The following BIRC6 variants were observed in gnomAD, a reference collection of about 807,000 sequenced individuals.
BIRC6 encodes dual E2 ubiquitin-conjugating enzyme/E3 ubiquitin-protein ligase BIRC6.
A neutral mutation model predicts 503.3 loss-of-function variants in BIRC6; 98 were observed. That is an observed-to-expected ratio of 0.19 (90% CI 0.17 to 0.23). The LOEUF (loss-of-function observed/expected upper bound fraction) is 0.23, where lower values mean the gene tolerates loss of function less well. Ranked by LOEUF, BIRC6 falls within the 10% of genes least tolerant of loss-of-function variation. BIRC6 has a pLI of 1.00. For missense variants in BIRC6, 5,360 were observed against 5,806.0 expected (o/e 0.92, Z 2.50); for synonymous variants, 2,240 against 2,078.7 (o/e 1.08, Z -2.11).
At chr2:32,395,403 C>A in intron 5 of BIRC6, 108 bp from the exon 6 acceptor site, 1 of 804,392 alleles carries the variant, frequency 1.2e-6, no homozygotes, top group Non-Finnish European at 1.9e-6. Context: ...TTCTTATTTT[C>A]AGTATAGAAT....
In BIRC6 at chr2:32,501,701, T is replaced by A. The variant is rs765985654; in HGVS notation, c.9032-12T>A. 15 of 1,603,664 alleles carry A rather than the reference T, an allele frequency of 9.4e-6. No individual in the cohort carries two copies. Among genetic ancestry groups the A allele is most frequent in the Middle Eastern group, 3.3e-4 (2 of 5,988 alleles). Reference sequence around the variant, plus strand: ...TATATACTTTTAATGTGGTATCTTTTATTTTTCTTAGGAGCAAGTGGATTA... The same window carrying A: ...TATATACTTTTAATGTGGTATCTTTAATTTTTCTTAGGAGCAAGTGGATTA... On this transcript the variant is annotated splice_polypyrimidine_tract_variant and intron_variant, in intron 46 of 73. Coordinates refer to ENST00000421745, the MANE Select transcript of BIRC6 (RefSeq NM_016252.4).
chr2:32,607,780 C>T, intron 72 of BIRC6, 137 bp downstream of exon 72: 4 of 561,122 alleles, frequency 7.1e-6, no homozygotes, highest in Non-Finnish European at 1.1e-5. Context: ...GAGTCTGAGA[C>T]CAGCCTGGCC....
At chr2:32,430,829 A>G in intron 11 of BIRC6, 36 bp from the exon 12 acceptor site, 1 of 540,858 alleles carries the variant, frequency 1.8e-6, no homozygotes, top group Non-Finnish European at 3.0e-6. Context: ...TTTTTTTTCC[A>G]CACCTATTTC....
intron 3 of BIRC6, among the ~76,000 whole-genome samples, chr2:32,383,383 TA>T (rs1388262740): frequency 6.6e-6 from 1 of 152,228 alleles, no homozygotes; most frequent in Non-Finnish European, 1.5e-5. Flanking sequence ...GGATGTATAA[TA>T]GTCAAGAAGA....
intron 44 of BIRC6, among the ~76,000 whole-genome samples, chr2:32,492,550 T>C (rs1417737535): frequency 6.6e-6 from 1 of 152,032 alleles, no homozygotes; most frequent in Non-Finnish European, 1.5e-5. Context: ...CAATTCTGAC[T>C]TAATTGTTTT....
At chr2:32,486,937 C>A (rs992756622) in intron 40 of BIRC6, among the ~76,000 whole-genome samples, 1 of 151,828 alleles carries the variant, frequency 6.6e-6, no homozygotes, top group Admixed American at 6.6e-5. Flanking sequence ...CCAAAGTAAC[C>A]CTTTTCTTTG....
At chr2:32,528,503 C>G (rs1006694682) in intron 59 of BIRC6, 1 of 152,342 alleles carries the variant, frequency 6.6e-6, no homozygotes, top group Non-Finnish European at 1.5e-5. Flanking sequence ...GGATTGCAGG[C>G]ATGAGCCACT....
In BIRC6 at chr2:32,518,121, C is replaced by T. The variant is rs1031398503; in HGVS notation, c.11350-133C>T. ...AACTTAACTACTAGACCCCCAGAGA[C>T]ATTTGTTCTTTAGCTACTGATTTGA... On this transcript the variant is annotated intron_variant, in intron 55 of 73. Coordinates refer to ENST00000421745, the MANE Select transcript of BIRC6 (RefSeq NM_016252.4). The T allele has an allele frequency of 1.9e-5, 15 of 797,756 alleles. No individual in the cohort carries two copies. The East Asian group carries it at 4.4e-4, about 24-fold the overall frequency. The allele number at this position is 797,756 out of a possible 1,614,324, so 49.4% of individuals were successfully genotyped here. A position where few individuals can be genotyped will look rare whatever the true frequency, so the allele number is the denominator to read the frequency against.
chr2:32,491,941 T>C (rs1018156090), intron 44 of BIRC6, among the ~76,000 whole-genome samples: 1 of 152,146 alleles, frequency 6.6e-6, no homozygotes, highest in African/African-American at 2.4e-5. Context: ...AATCATTTTA[T>C]GATGTTAATG....
At chr2:32,400,336 CTTTT>C (rs746431747) in intron 6 of BIRC6, among the ~76,000 whole-genome samples, 2 of 118,314 alleles carry the variant, frequency 1.7e-5, no homozygotes, top group Non-Finnish European at 3.5e-5. Context: ...GCTTTCAGAT[CTTTT>C]TTTTTTTTTT....
chr2:32,543,079 C>T (rs913164865), intron 61 of BIRC6, among the ~76,000 whole-genome samples, 162 bp from the exon 62 acceptor site: 1 of 152,176 alleles, frequency 6.6e-6, no homozygotes. Flanking sequence ...GGATAACAGG[C>T]GTGAGCCACT....
At chr2:32,400,575 G>A (rs2040496909) in intron 6 of BIRC6, among the ~76,000 whole-genome samples, 1 of 152,022 alleles carries the variant, frequency 6.6e-6, no homozygotes, top group African/African-American at 2.4e-5. Flanking sequence ...CTGACCTCAT[G>A]ATCCACCCGC....
At chr2:32,481,131 G>C (rs1249908854) in intron 37 of BIRC6, among the ~76,000 whole-genome samples, 189 bp from the exon 38 acceptor site, 3 of 151,864 alleles carry the variant, frequency 2.0e-5, no homozygotes, top group Non-Finnish European at 4.4e-5. Flanking sequence ...CTTTTCTCTA[G>C]GAAAGCAAAT....
chr2:32,476,189 A>G, intron 33 of BIRC6, 24 bp from the exon 34 acceptor site: 1 of 1,511,502 alleles, frequency 6.6e-7, no homozygotes, highest in South Asian at 1.3e-5. Flanking sequence ...GTTAAAGATT[A>G]AGTTGTTTAT....
rs1329137953 is a variant in BIRC6 at position 32,618,461 on chromosome 2, T to C, written c.*557T>C. Reference sequence around the variant, plus strand: ...TGGTACATTTTTAAAATAATAAATCTGCCATAAAATGCATTATATCTGGAG... The same window carrying C: ...TGGTACATTTTTAAAATAATAAATCCGCCATAAAATGCATTATATCTGGAG... On this transcript the variant is annotated 3_prime_UTR_variant, in exon 74 of 74. Transcript: ENST00000421745. The C allele has an allele frequency of 6.6e-6, 1 of 152,386 alleles. No individual in the cohort carries two copies. The highest frequency in any genetic ancestry group is 1.5e-5 in the Non-Finnish European group (1 of 68,040). 9.4% of individuals were successfully genotyped at this position (152,386 alleles called of 1,614,324 possible). A position where few individuals can be genotyped will look rare whatever the true frequency, so the allele number is the denominator to read the frequency against.
intron 66 of BIRC6, among the ~76,000 whole-genome samples, chr2:32,576,878 A>G (rs1478781422): frequency 6.6e-6 from 1 of 152,218 alleles, no homozygotes; most frequent in Non-Finnish European, 1.5e-5. Context: ...ATGAAGAGCC[A>G]GTTGGTAGAG....
chr2:32,596,931 G>A (rs945902189), intron 68 of BIRC6, among the ~76,000 whole-genome samples: 7 of 152,150 alleles, frequency 4.6e-5, no homozygotes, highest in African/African-American at 1.7e-4. Context: ...AGAATCATAT[G>A]TCCAGACCCC....
At chr2:32,412,506 C>CAA (rs961169963) in intron 9 of BIRC6, among the ~76,000 whole-genome samples, 1 of 143,762 alleles carries the variant, frequency 7.0e-6, no homozygotes, top group African/African-American at 2.6e-5. Flanking sequence ...TCAAAAAAAA[C>CAA]AAAAAAAAAG....
chr2:32,545,695 C>T lies in BIRC6; in HGVS notation c.12645C>T (p.His4215=), dbSNP rs774465536. The T allele has an allele frequency of 6.8e-6, 11 of 1,613,884 alleles. No individual in the cohort carries two copies. The highest frequency in any genetic ancestry group is 6.6e-5 in the South Asian group (6 of 91,084). The change falls in exon 63 of 74, where the codon CAC becomes CAT. Residue 4215 remains histidine, a synonymous_variant. Coordinates refer to ENST00000421745, the MANE Select transcript of BIRC6 (RefSeq NM_016252.4). Reference sequence around the variant, plus strand: ...ATGTGCTTCCAACCCTTCCTTTCCACGTCCTTCGTAGCTTGTTTAGCACTA... The same window carrying T: ...ATGTGCTTCCAACCCTTCCTTTCCATGTCCTTCGTAGCTTGTTTAGCACTA... ...SANVLPTLPF[H]VLRSLFSTTP... is the part of the protein sequence containing the mutation.
Sources: gnomAD v4.1 joint callset for allele counts (sites outside exome capture counted in the v4.1 genomes callset) on GRCh38, gnomAD v4.1.1 for gene constraint, MANE v1.5 for transcripts, NCBI Gene and HGNC (gene_info 2026-07-23, HGNC 2026-07-21) for gene names.